SEMA5A: variants seen among roughly 807,000 people sequenced by gnomAD.
SEMA5A encodes the protein semaphorin 5A, also known as semaphorin-5A.
A neutral mutation model predicts 135.5 loss-of-function variants in SEMA5A; 55 were observed. That is an observed-to-expected ratio of 0.41 (90% CI 0.33 to 0.51). The LOEUF (loss-of-function observed/expected upper bound fraction) is 0.51. Among genes scored for constraint, SEMA5A ranks in the 20% least tolerant of loss-of-function variants. The probability of loss-of-function intolerance (pLI) is 0.37; values close to 1 mark genes in which losing one functional copy is unlikely to be tolerated. For synonymous variants in SEMA5A, 580 were observed against 546.5 expected, an observed-to-expected ratio of 1.06 and a Z score of -0.85; for missense variants, 1,290 against 1,419.9, an observed-to-expected ratio of 0.91 and a Z score of 1.47.
Position 9,316,177 on chromosome 5 carries a change from C to T in SEMA5A, c.270+2195G>A, listed in dbSNP as rs147433964. Among the ~76,000 whole-genome samples, 159 of 152,230 alleles carry T rather than the reference C, an allele frequency of 1.0e-3. No individual in the cohort carries two copies. The South Asian group carries it at 0.019, about 18-fold the overall frequency. ...ATCAAATTGCCCCAGATTTCTTCAG[C>T]GAGCCCACTTCAAGCTGGCTCCTAG... On this transcript the variant is annotated intron_variant, in intron 5 of 22. Coordinates refer to ENST00000382496, the MANE Select transcript of SEMA5A (RefSeq NM_003966.3).
In SEMA5A at chr5:9,043,030, TA is replaced by T. The variant is rs3834271; in HGVS notation, c.3106-15del. 7 of 1,410,730 alleles carry T rather than the reference TA, an allele frequency of 5.0e-6. No individual in the cohort carries two copies. The highest frequency in any genetic ancestry group is 2.6e-5 in the South Asian group (2 of 78,350). The allele number at this position is 1,410,730 out of a possible 1,614,324, so 87.4% of individuals were successfully genotyped here. ...TTTGTTAAATGCCTGGAAAATATAT[TA>T]AAAAAAAACAGGTTTAAGAATGCTG... On this transcript the variant is annotated splice_polypyrimidine_tract_variant and intron_variant, in intron 22 of 22. Transcript: ENST00000382496.
At chr5:9,080,668 A>G (rs542194459) in intron 16 of SEMA5A, among the ~76,000 whole-genome samples, 2 of 152,268 alleles carry the variant, frequency 1.3e-5, no homozygotes, top group East Asian at 1.9e-4. Context: ...TGCACTACTC[A>G]GTCTTCTTGT....
At chr5:9,444,816 T>C (rs369752658) in intron 1 of SEMA5A, among the ~76,000 whole-genome samples, 13 of 152,280 alleles carry the variant, frequency 8.5e-5, no homozygotes, top group African/African-American at 2.2e-4. Context: ...TAACGGTTTT[T>C]CTTTCTTAAG....
Position 9,042,081 on chromosome 5 carries a change from C to T in SEMA5A, c.*816G>A, listed in dbSNP as rs1735995023. 1 of 152,216 alleles carries T rather than the reference C, an allele frequency of 6.6e-6. No individual in the cohort carries two copies. Among genetic ancestry groups the T allele is most frequent in the African/African-American group, 2.4e-5 (1 of 41,458 alleles). The allele number at this position is 152,216 out of a possible 1,614,324, so 9.4% of individuals were successfully genotyped here. On this transcript the variant is annotated 3_prime_UTR_variant, in exon 23 of 23. Transcript: ENST00000382496. ...TACAGACTGGCTCTTCAGGACGTCACTATGGACCAGACAGGTGGACTTCCA... is the reference window on the plus strand; with the variant it reads ...TACAGACTGGCTCTTCAGGACGTCATTATGGACCAGACAGGTGGACTTCCA...
In SEMA5A at chr5:9,224,691, T is replaced by A; in HGVS notation, c.629A>T (p.Asn210Ile). Residue 210 changes from asparagine (N) to isoleucine (I), a missense_variant, in exon 8 of 23, where the codon AAC (asparagine) becomes ATC (isoleucine). This residue lies in a region of SEMA5A where 145 missense variants were observed against 212.0 expected (regional missense o/e 0.68). Transcript: ENST00000382496. The stretch of plus-strand genomic sequence containing the variant: ...AGGCTTACCATTGAGCCATTTGGAG[T>A]TGTACTGCGCCGTGCGGAGAGGAGG... ...ILPPLRTAQYNSKWLNEPNFV... is the reference protein window; with the variant it reads ...ILPPLRTAQYISKWLNEPNFV... 6.2e-7 allele frequency: 1 copy of A among 1,613,896 alleles called. No individual in the cohort carries two copies. The highest frequency in any genetic ancestry group is 8.5e-7 in the Non-Finnish European group (1 of 1,179,950).
chr5:9,424,995 A>G (rs2126640182), intron 2 of SEMA5A, among the ~76,000 whole-genome samples: 1 of 152,266 alleles, frequency 6.6e-6, no homozygotes, highest in Non-Finnish European at 1.5e-5. Flanking sequence ...TAAATAACTC[A>G]TATCCCACCA....
intron 1 of SEMA5A, among the ~76,000 whole-genome samples, chr5:9,464,205 C>T (rs1579583650): frequency 6.6e-6 from 1 of 152,156 alleles, no homozygotes; most frequent in South Asian, 2.1e-4. Flanking sequence ...GATTAAAAGC[C>T]ACTGTGTTAG....
Position 9,119,073 on chromosome 5 carries a change from A to T in SEMA5A, c.1850T>A (p.Val617Glu). 1 of 1,613,494 alleles carries T rather than the reference A, an allele frequency of 6.2e-7. No homozygotes were observed. ...GGGGTTGCTGCAGGAGCGCTGCCGC[A>T]CCTGGAAGCCGATCCCACAGGTAGT... ...CSTTCGIGFQ[V>E]RQRSCSNPTP... The change falls in exon 15 of 23, where the codon GTG (valine) becomes GAG (glutamate). Residue 617 changes from valine to glutamate, a missense_variant. Val to Glu is a moderately radical substitution (Grantham distance 121, BLOSUM62 -2). Coordinates refer to ENST00000382496, the MANE Select transcript of SEMA5A (RefSeq NM_003966.3).
chr5:9,322,066 C>T (rs759947837), intron 4 of SEMA5A, among the ~76,000 whole-genome samples: 62 of 152,124 alleles, frequency 4.1e-4, no homozygotes, highest in Non-Finnish European at 6.9e-4. Context: ...ACAGAGATCG[C>T]CATCCACAAC....
At chr5:9,532,390 C>A (rs971884938) in intron 1 of SEMA5A, among the ~76,000 whole-genome samples, 2 of 151,978 alleles carry the variant, frequency 1.3e-5, no homozygotes, top group African/African-American at 2.4e-5. Flanking sequence ...CTCAGCCTCC[C>A]AAGTAGCTGG....
intron 16 of SEMA5A, among the ~76,000 whole-genome samples, chr5:9,079,726 AGT>A (rs1039795172): frequency 4.6e-5 from 7 of 152,182 alleles, no homozygotes; most frequent in Non-Finnish European, 1.0e-4. Context: ...CCCATCAAAA[AGT>A]GGGTGAAGGA....
chr5:9,399,492 A>AT (rs945062067), intron 2 of SEMA5A, among the ~76,000 whole-genome samples: 3 of 152,292 alleles, frequency 2.0e-5, no homozygotes, highest in Admixed American at 6.5e-5. Context: ...CTGCTAATGG[A>AT]TACGGGTGTT....
At chr5:9,079,242 T>A (rs1057513155) in intron 16 of SEMA5A, among the ~76,000 whole-genome samples, 1 of 152,110 alleles carries the variant, frequency 6.6e-6, no homozygotes, top group African/African-American at 2.4e-5. Flanking sequence ...AAATTAAAAC[T>A]CAGGATTATG....
At chr5:9,383,355 G>A (rs1325985293) in intron 2 of SEMA5A, among the ~76,000 whole-genome samples, 1 of 152,188 alleles carries the variant, frequency 6.6e-6, no homozygotes, top group Non-Finnish European at 1.5e-5. Context: ...TAAAAGCAAG[G>A]AGGTTTGGGG....
chr5:9,475,633 G>A (rs1178030344), intron 1 of SEMA5A, among the ~76,000 whole-genome samples: 1 of 152,008 alleles, frequency 6.6e-6, no homozygotes, highest in East Asian at 1.9e-4. Context: ...TAACCTAATT[G>A]TCCTGAGCAA....
chr5:9,515,751 A>G (rs1736475804), intron 1 of SEMA5A, among the ~76,000 whole-genome samples: 1 of 152,218 alleles, frequency 6.6e-6, no homozygotes, highest in Non-Finnish European at 1.5e-5. Context: ...AAGATGAAGA[A>G]GAAAACAGCT....
chr5:9,207,114 A>ATATATATATATATATATG lies in SEMA5A; in HGVS notation c.647-4875_647-4874insCATATATATATATATATA, dbSNP rs1561021617. Among the ~76,000 whole-genome samples, 12 of 132,416 alleles carry ATATATATATATATATATG rather than the reference A, an allele frequency of 9.1e-5. 1 individual carries two copies. Among genetic ancestry groups the ATATATATATATATATATG allele is most frequent in the South Asian group, 2.6e-4 (1 of 3,786 alleles). The allele number at this position is 132,416 out of a possible 152,430, so 86.9% of individuals were successfully genotyped here. ...TGAATGATCAAGTGTATATATATAT[A>ATATATATATATATATATG]TATATATATATATATATATAAAGCT... On this transcript the variant is annotated intron_variant, in intron 8 of 22. Transcript: ENST00000382496.
rs1322181678 is a variant in SEMA5A, at chr5:9,258,419, G to A, written c.271-20529C>T. Among the ~76,000 whole-genome samples, 7 of 152,290 alleles carry A rather than the reference G, an allele frequency of 4.6e-5. No individual in the cohort carries two copies. In the East Asian group the frequency reaches 7.7e-4, roughly 17 times the overall value. ...AGGCGTGCTGTCTTTCAGTGAGGTG[G>A]CAAGAGACCACAGGCCTATCTCATT... On this transcript the variant is annotated intron_variant, in intron 5 of 22. Transcript: ENST00000382496.
rs117962432 is a variant in SEMA5A at position 9,387,273 on chromosome 5, G to A, written c.-77-7250C>T. On this transcript the variant is annotated intron_variant, in intron 2 of 22. Transcript: ENST00000382496. ...AGGGATGAACCTAAGGCATGAAAAC[G>A]GGCAGTGTCTTCGGGGTATCCTTAA... Among the ~76,000 whole-genome samples the A allele has an allele frequency of 8.2e-3, 1,251 of 152,176 alleles. 31 individuals are homozygous for A. Among genetic ancestry groups the A allele is most frequent in the Admixed American group, 0.041 (627 of 15,288 alleles).
Sources: allele counts gnomAD v4.1 joint callset (sites outside exome capture counted in the v4.1 genomes callset), GRCh38; gene constraint gnomAD v4.1.1; regional missense constraint gnomAD v4.1.1; transcripts MANE v1.5; gene names NCBI Gene and HGNC (gene_info 2026-07-23, HGNC 2026-07-21).